The following RBFOX1 variants were observed in gnomAD, a reference collection of about 807,000 sequenced individuals.
The protein encoded by RBFOX1 is RNA binding fox-1 homolog 1.
Under a neutral mutation model 57.7 loss-of-function variants are expected in RBFOX1, and 8 were observed. That is an observed-to-expected ratio of 0.14 (90% confidence interval 0.08 to 0.25). The LOEUF (loss-of-function observed/expected upper bound fraction) is 0.25. RBFOX1 is among the 10% of genes least tolerant of loss of function. The pLI is 1.00. For synonymous variants in RBFOX1, 326 were observed against 222.4 expected, an observed-to-expected ratio of 1.47 and a Z score of -4.15; for missense variants, 611 against 548.5, an observed-to-expected ratio of 1.11 and a Z score of -1.14.
At chr16:6,223,556 T>G (rs1029102266) in intron 1 of RBFOX1, among the ~76,000 whole-genome samples, 2 of 152,250 alleles carry the variant, frequency 1.3e-5, no homozygotes, top group African/African-American at 2.4e-5. Flanking sequence ...TTGTTTGTTT[T>G]TTTCTTGAAA....
intron 3 of RBFOX1, among the ~76,000 whole-genome samples, chr16:6,851,512 T>C (rs4129044): frequency 0.29 from 44,719 of 152,070 alleles, 6,863 homozygotes; most frequent in South Asian, 0.38. Context: ...TTGAAAGATA[T>C]TCACAACATA....
intron 1 of RBFOX1, among the ~76,000 whole-genome samples, chr16:5,354,978 G>GGAAGGGGT (rs1326593720): frequency 6.7e-6 from 1 of 149,410 alleles, no homozygotes; most frequent in African/African-American, 2.4e-5. Context: ...AGCAGAGGTT[G>GGAAGGGGT]GAAGGGGTGA....
chr16:6,658,059 A>G (rs966529818), intron 3 of RBFOX1, among the ~76,000 whole-genome samples: 3 of 152,130 alleles, frequency 2.0e-5, no homozygotes, highest in African/African-American at 2.4e-5. Flanking sequence ...AGAATTTTAG[A>G]AAAGACAAAA....
chr16:6,350,562 G>A (rs951210253), intron 2 of RBFOX1, among the ~76,000 whole-genome samples: 2 of 145,452 alleles, frequency 1.4e-5, no homozygotes, highest in Admixed American at 1.4e-4. Flanking sequence ...TTTAGGGAAT[G>A]TTTATTTAAC....
At chr16:6,768,176 A>G (rs915276045) in intron 3 of RBFOX1, among the ~76,000 whole-genome samples, 27 of 152,090 alleles carry the variant, frequency 1.8e-4, no homozygotes, top group African/African-American at 6.5e-4. Flanking sequence ...CAGCCTGGGC[A>G]ATAGAGCTAG....
At chr16:6,032,804 A>T (rs1405449788) in intron 1 of RBFOX1, among the ~76,000 whole-genome samples, 1 of 152,210 alleles carries the variant, frequency 6.6e-6, no homozygotes, top group Non-Finnish European at 1.5e-5. Flanking sequence ...GTCATAAGGT[A>T]AAATCCTCTA....
intron 4 of RBFOX1, among the ~76,000 whole-genome samples, chr16:7,428,079 T>G (rs988100366): frequency 7.2e-5 from 11 of 152,308 alleles, no homozygotes; most frequent in African/African-American, 2.6e-4. Context: ...TATTGCCTCC[T>G]CCAGGAGGCC....
rs2065937600 is a variant in RBFOX1, at chr16:5,374,466, G to T, written c.220-92750G>T. 3.3e-5 allele frequency among the ~76,000 whole-genome samples: 5 copies of T among 152,136 alleles called. No homozygotes were observed. The South Asian group carries it at 8.3e-4, about 25-fold the overall frequency. On this transcript the variant is annotated intron_variant, in intron 1 of 2. Transcript: ENST00000585867. ...AGGAGGAGGGAGCCCTGTGAGAAAA[G>T]ACATAAGAACAGAAAAGGATGGAGT...
intron 3 of RBFOX1, among the ~76,000 whole-genome samples, chr16:6,925,378 G>C (rs1014653287): frequency 6.6e-6 from 1 of 151,628 alleles, no homozygotes; most frequent in Admixed American, 6.6e-5. Flanking sequence ...ACCTGCCTTG[G>C]TCTCCGAACG....
intron 1 of RBFOX1, among the ~76,000 whole-genome samples, chr16:5,388,187 A>C (rs147090761): frequency 6.6e-6 from 1 of 152,314 alleles, no homozygotes; most frequent in Non-Finnish European, 1.5e-5. Context: ...AATTTGTGAC[A>C]GCAGTAGCAG....
chr16:7,655,272 A>G (rs569614256), intron 12 of RBFOX1, among the ~76,000 whole-genome samples: 1 of 152,354 alleles, frequency 6.6e-6, no homozygotes, highest in South Asian at 2.1e-4. Flanking sequence ...GAGAAGGGAA[A>G]GTTAAGGAAA....
intron 1 of RBFOX1, among the ~76,000 whole-genome samples, chr16:5,389,155 C>T (rs1008029660): frequency 6.6e-6 from 1 of 151,620 alleles, no homozygotes; most frequent in Non-Finnish European, 1.5e-5. Flanking sequence ...CGCGCCACTG[C>T]ACTCCAGCCT....
chr16:7,590,087 G>C (rs2094361109), intron 7 of RBFOX1, among the ~76,000 whole-genome samples: 1 of 151,938 alleles, frequency 6.6e-6, no homozygotes, highest in Non-Finnish European at 1.5e-5. Flanking sequence ...ACAACAGTGA[G>C]ACCCCATCTC....
chr16:6,159,522 G>A (rs1428230658), intron 1 of RBFOX1, among the ~76,000 whole-genome samples: 1 of 152,168 alleles, frequency 6.6e-6, no homozygotes, highest in African/African-American at 2.4e-5. Flanking sequence ...AAGCCATCCA[G>A]TTCCAGTGCA....
At chr16:7,157,430 G>A (rs899181488) in intron 4 of RBFOX1, among the ~76,000 whole-genome samples, 1 of 152,062 alleles carries the variant, frequency 6.6e-6, no homozygotes, top group African/African-American at 2.4e-5. Flanking sequence ...TGTTGCCATG[G>A]AGTCAAAGGA....
At chr16:5,720,627 T>A (rs1429942026) in intron 3 of RBFOX1, among the ~76,000 whole-genome samples, 4 of 152,180 alleles carry the variant, frequency 2.6e-5, no homozygotes, top group African/African-American at 9.7e-5. Context: ...TGGAAGGAGA[T>A]CCAACTTCAT....
At chr16:6,442,250 C>A (rs1172950761) in intron 2 of RBFOX1, among the ~76,000 whole-genome samples, 2 of 152,098 alleles carry the variant, frequency 1.3e-5, no homozygotes, top group African/African-American at 4.8e-5. Context: ...GAATGTTTGT[C>A]TTTCTGGTTA....
At chr16:7,199,524 A>G (rs2087728748) in intron 4 of RBFOX1, among the ~76,000 whole-genome samples, 1 of 152,144 alleles carries the variant, frequency 6.6e-6, no homozygotes, top group Non-Finnish European at 1.5e-5. Context: ...TGCTGTGTAT[A>G]CTCATGTTCA....
intron 6 of RBFOX1, among the ~76,000 whole-genome samples, chr16:7,585,942 C>T (rs776134862): frequency 2.0e-4 from 30 of 151,994 alleles, no homozygotes; most frequent in Non-Finnish European, 3.4e-4. Flanking sequence ...TCGCTCTGTC[C>T]GCTGCCACAC....
Sources: gnomAD v4.1 joint callset for allele counts (sites outside exome capture counted in the v4.1 genomes callset) on GRCh38, gnomAD v4.1.1 for gene constraint, MANE v1.5 for transcripts, NCBI Gene and HGNC (gene_info 2026-07-23, HGNC 2026-07-21) for gene names.